Variants in ARHGAP8 observed in about 807,000 individuals in gnomAD.
ARHGAP8 encodes the protein Rho GTPase activating protein 8, also known as rho GTPase-activating protein 8.
A neutral mutation model predicts 46.1 loss-of-function variants in ARHGAP8; 62 were observed. That is an observed-to-expected ratio of 1.34 (90% CI 1.10 to 1.66). The LOEUF is 1.66. Ranked by LOEUF, ARHGAP8 falls within the 40% of genes most tolerant of loss-of-function variation. ARHGAP8 has a pLI of 0.00. For missense variants in ARHGAP8, 923 were observed against 568.4 expected (o/e 1.62, Z -6.34); for synonymous variants, 375 against 243.1 (o/e 1.54, Z -5.05).
chr22:44,818,145 T>TG (rs1420520861), intron 5 of ARHGAP8, among the ~76,000 whole-genome samples: 17 of 150,120 alleles, frequency 1.1e-4, no homozygotes, highest in Admixed American at 9.9e-4. Flanking sequence ...CTAAGGTTCT[T>TG]GGAAAAAAAG....
chr22:44,754,105 G>A (rs1339163062), intron 1 of ARHGAP8, among the ~76,000 whole-genome samples: 3 of 152,130 alleles, frequency 2.0e-5, no homozygotes, highest in Non-Finnish European at 4.4e-5. Context: ...TGCCCTCAGG[G>A]GCCCAGAGTC....
At chr22:44,833,096 C>CTTTTTTT (rs533794156) in intron 7 of ARHGAP8, among the ~76,000 whole-genome samples, 1 of 120,428 alleles carries the variant, frequency 8.3e-6, no homozygotes, top group African/African-American at 3.0e-5. Context: ...CTTTTCTTTT[C>CTTTTTTT]TTTTTTTTTT....
intron 7 of ARHGAP8, among the ~76,000 whole-genome samples, chr22:44,838,781 A>C (rs907782614): frequency 2.0e-5 from 3 of 152,140 alleles, no homozygotes; most frequent in Admixed American, 6.6e-5. Flanking sequence ...ACTGTAGCTC[A>C]CTGGGCCCAT....
At chr22:44,821,203 G>A (rs77647067) in intron 5 of ARHGAP8, among the ~76,000 whole-genome samples, 19,048 of 151,738 alleles carry the variant, frequency 0.13, 1,561 homozygotes, top group East Asian at 0.34. Flanking sequence ...AGGCCAAGGC[G>A]GGCGGATCAC....
chr22:44,839,014 C>CT (rs1383531969), intron 7 of ARHGAP8, among the ~76,000 whole-genome samples: 1 of 152,210 alleles, frequency 6.6e-6, no homozygotes, highest in South Asian at 2.1e-4. Flanking sequence ...CGGTGGTGAT[C>CT]TAGCTCCTAC....
At chr22:44,819,691 A>G (rs1023978650) in intron 5 of ARHGAP8, among the ~76,000 whole-genome samples, 15 of 151,972 alleles carry the variant, frequency 9.9e-5, no homozygotes, top group Admixed American at 2.6e-4. Flanking sequence ...AGAAAAAAAA[A>G]TCTTTTAAAA....
At chr22:44,786,141 T>G in intron 1 of ARHGAP8, 3 of 466,758 alleles carry the variant, frequency 6.4e-6, no homozygotes, top group Admixed American at 3.8e-5. Context: ...GTAGGTCGCA[T>G]AGTGGGTGCT....
rs949927755 is a variant in ARHGAP8, at chr22:44,825,504, C to G, written c.507C>G (p.Ser169Arg). Residue 169 changes from serine (S) to arginine (R), a missense_variant, in exon 7 of 12, where the codon AGC becomes AGG. Ser to Arg is a moderately radical substitution (Grantham distance 110). Coordinates refer to ENST00000356099, the MANE Select transcript of ARHGAP8 (RefSeq NM_181335.3). ...EVLRYDEKLQ[S>R]LHEGRTPPPT... ...ACAGGTACGATGAGAAGCTCCAGAG[C>G]CTGCACGAGGGCCGGACGCCGCCTC... 6.2e-7 allele frequency: 1 copy of G among 1,613,496 alleles called. No homozygotes were observed. Among genetic ancestry groups the G allele is most frequent in the Non-Finnish European group, 8.5e-7 (1 of 1,179,840 alleles).
At chr22:44,859,627 T>G (rs1174594043) in intron 10 of ARHGAP8, 104 bp from the exon 11 acceptor site, 24 of 1,254,140 alleles carry the variant, frequency 1.9e-5, no homozygotes, top group Non-Finnish European at 2.5e-5. Context: ...GGATAGTCCA[T>G]CCTCAGAGCT....
At chr22:44,776,322 G>A (rs1479659250) in intron 1 of ARHGAP8, among the ~76,000 whole-genome samples, 1 of 152,046 alleles carries the variant, frequency 6.6e-6, no homozygotes, top group East Asian at 1.9e-4. Flanking sequence ...CATGGTGGCG[G>A]GTACCTGTAA....
At chr22:44,859,886 A>C (rs761829062) in intron 11 of ARHGAP8, 52 bp downstream of exon 11, 178 of 1,595,572 alleles carry the variant, frequency 1.1e-4, no homozygotes, top group Non-Finnish European at 1.4e-4. Flanking sequence ...CTTCCCTCCC[A>C]TGCTGGGCCC....
chr22:44,771,890 T>G (rs1602153080), intron 1 of ARHGAP8, among the ~76,000 whole-genome samples: 1 of 152,208 alleles, frequency 6.6e-6, no homozygotes, highest in East Asian at 1.9e-4. Flanking sequence ...CCAATCTTTA[T>G]GCCTTTTTCT....
intron 2 of ARHGAP8, among the ~76,000 whole-genome samples, chr22:44,799,282 C>T (rs1290474112): frequency 6.6e-6 from 1 of 152,258 alleles, no homozygotes; most frequent in African/African-American, 2.4e-5. Flanking sequence ...ATTACCCCTC[C>T]TGGGCCTGTA....
chr22:44,820,848 A>G (rs1159421109), intron 5 of ARHGAP8, among the ~76,000 whole-genome samples: 1 of 152,100 alleles, frequency 6.6e-6, no homozygotes, highest in Non-Finnish European at 1.5e-5. Context: ...TTTAGGAACC[A>G]CCTGGCGCTG....
chr22:44,858,638 T>G (rs1305462113), intron 10 of ARHGAP8, among the ~76,000 whole-genome samples: 3 of 146,498 alleles, frequency 2.0e-5, no homozygotes, highest in Non-Finnish European at 4.5e-5. Context: ...CCCAAAGTGT[T>G]GGGATTACAG....
At chr22:44,854,977 C>G (rs2070186190) in intron 10 of ARHGAP8, among the ~76,000 whole-genome samples, 1 of 152,088 alleles carries the variant, frequency 6.6e-6, no homozygotes, top group South Asian at 2.1e-4. Context: ...CTAACAATAT[C>G]AGACTAATCT....
chr22:44,861,010 CAAA>C lies in ARHGAP8; in HGVS notation c.981+1181_981+1183del, dbSNP rs143581372. Among the ~76,000 whole-genome samples the C allele has an allele frequency of 6.0e-4, 91 of 152,120 alleles. 1 individual carries two copies. In the South Asian group the frequency reaches 0.011, roughly 19 times the overall value. On this transcript the variant is annotated intron_variant, in intron 11 of 11. Coordinates refer to ENST00000356099, the MANE Select transcript of ARHGAP8 (RefSeq NM_181335.3). ...CAAAACTAAACTCTCCTAATTCTCT[CAAA>C]AAAATTTTTTGAGACAGTCTTGCTC...
chr22:44,832,807 A>G (rs1487970894), intron 7 of ARHGAP8, among the ~76,000 whole-genome samples: 4 of 152,174 alleles, frequency 2.6e-5, no homozygotes, highest in African/African-American at 9.7e-5. Context: ...AAGAGCAGAC[A>G]TGGTTGTCTT....
At chr22:44,772,164 C>CATTTTTTTCCTT (rs1244103408) in intron 1 of ARHGAP8, among the ~76,000 whole-genome samples, 1 of 140,522 alleles carries the variant, frequency 7.1e-6, no homozygotes, top group Non-Finnish European at 1.6e-5. Context: ...TTTTTTTCCT[C>CATTTTTTTCCTT]ATTTTTTTCC....
Sources: allele counts gnomAD v4.1 joint callset (sites outside exome capture counted in the v4.1 genomes callset), GRCh38; gene constraint gnomAD v4.1.1; transcripts MANE v1.5; gene names NCBI Gene and HGNC (gene_info 2026-07-23, HGNC 2026-07-21).